TENM1: variants seen among roughly 807,000 people sequenced by gnomAD.
TENM1 encodes the protein teneurin-1.
A neutral mutation model predicts 174.8 loss-of-function variants in TENM1; 35 were observed. The observed-to-expected ratio is 0.20, with a 90% CI of 0.15 to 0.27. The LOEUF (loss-of-function observed/expected upper bound fraction) is 0.27, where lower values mean the gene tolerates loss of function less well. Among genes scored for constraint, TENM1 ranks in the 10% least tolerant of loss-of-function variants. The pLI is 1.00. For synonymous variants in TENM1, 781 were observed against 798.7 expected, an observed-to-expected ratio of 0.98 and a Z score of 0.37; for missense variants, 1,633 against 2,130.1, an observed-to-expected ratio of 0.77 and a Z score of 4.59.
At position 124,506,196 on chromosome X, in the gene TENM1, G is replaced by T. The variant is rs146247046; in HGVS notation, c.3302-2493C>A. The stretch of plus-strand genomic sequence containing the variant: ...GAGCTCTCCTAAGAATCCCTTCTCC[G>T]GAAGGTGATTGCGCAGTTTTGCAAA... On this transcript the variant is annotated intron_variant, in intron 18 of 31. Transcript: ENST00000422452. 4.5e-3 allele frequency among the ~76,000 whole-genome samples: 508 copies of T among 111,744 alleles called. 3 individuals carry two copies. Among genetic ancestry groups the T allele is most frequent in the Non-Finnish European group, 8.5e-3 (453 of 53,106 alleles).
chrX:125,001,597 A>T, the TENM1 span, among the ~76,000 whole-genome samples: 35 of 110,883 alleles, frequency 3.2e-4, no homozygotes, highest in Non-Finnish European at 6.4e-4. Context: ...AAACTTAGTT[A>T]TGGAGATAAA....
At chrX:125,091,759 G>A in the TENM1 span, among the ~76,000 whole-genome samples, 1 of 110,099 alleles carries the variant, frequency 9.1e-6, no homozygotes, top group South Asian at 4.0e-4. Flanking sequence ...AGGCCGAGGT[G>A]GGTGGATCAT....
chrX:125,054,136 A>AT, the TENM1 span, among the ~76,000 whole-genome samples: 2 of 110,641 alleles, frequency 1.8e-5, no homozygotes, highest in African/African-American at 6.6e-5. Context: ...ATCTATAGTG[A>AT]TTTTTTTTCT....
At chrX:124,793,503 A>T (rs1271712531) in intron 3 of TENM1, among the ~76,000 whole-genome samples, 1 of 111,622 alleles carries the variant, frequency 9.0e-6, no homozygotes, top group Non-Finnish European at 1.9e-5. Context: ...GACAAAAAAG[A>T]CATTTACAAT....
chrX:124,984,828 G>T, the TENM1 span, among the ~76,000 whole-genome samples: 1 of 111,998 alleles, frequency 8.9e-6, no homozygotes, highest in Non-Finnish European at 1.9e-5. Flanking sequence ...ATTAATTGTA[G>T]TATTCATGTC....
At chrX:124,455,553 T>C (rs912106120) in intron 22 of TENM1, among the ~76,000 whole-genome samples, 1 of 111,337 alleles carries the variant, frequency 9.0e-6, no homozygotes, top group Non-Finnish European at 1.9e-5. Flanking sequence ...CATAAAGGGA[T>C]AGACTGAAAG....
chrX:124,703,662 T>A (rs1365330413), intron 5 of TENM1, among the ~76,000 whole-genome samples: 1 of 111,977 alleles, frequency 8.9e-6, no homozygotes, highest in African/African-American at 3.2e-5. Flanking sequence ...ATATTATTCC[T>A]TGTTCTCAAT....
At chrX:124,770,750 C>T (rs1170281738) in intron 3 of TENM1, among the ~76,000 whole-genome samples, 3 of 109,894 alleles carry the variant, frequency 2.7e-5, no homozygotes, top group Non-Finnish European at 5.7e-5. Flanking sequence ...CTTGAGATCT[C>T]TCCATACCAG....
the TENM1 span, among the ~76,000 whole-genome samples, chrX:125,125,656 T>G: frequency 8.9e-6 from 1 of 111,989 alleles, no homozygotes; most frequent in African/African-American, 3.3e-5. Context: ...GCTTTAACCT[T>G]GCCCAGCTGT....
At chrX:124,495,579 G>A (rs2047180704) in intron 20 of TENM1, among the ~76,000 whole-genome samples, 1 of 110,276 alleles carries the variant, frequency 9.1e-6, no homozygotes, top group Non-Finnish European at 1.9e-5. Context: ...TAGACATGAA[G>A]TCCTTGCCCA....
chrX:124,920,676 T>C (rs945508837), intron 1 of TENM1, among the ~76,000 whole-genome samples: 9 of 111,391 alleles, frequency 8.1e-5, no homozygotes, highest in Admixed American at 7.6e-4. Context: ...CATTTTCTTT[T>C]TCCTTTTGCC....
At chrX:124,781,028 G>A (rs1290539927) in intron 3 of TENM1, among the ~76,000 whole-genome samples, 1 of 111,341 alleles carries the variant, frequency 9.0e-6, no homozygotes, top group African/African-American at 3.3e-5. Context: ...GCCCCAACCG[G>A]ACCATTCTAT....
At chrX:124,923,725 G>A (rs2058054397) in intron 1 of TENM1, among the ~76,000 whole-genome samples, 1 of 112,246 alleles carries the variant, frequency 8.9e-6, no homozygotes, top group African/African-American at 3.2e-5. Context: ...AAGTATCAAA[G>A]AATGTATGAC....
chrX:125,050,068 T>C, the TENM1 span, among the ~76,000 whole-genome samples: 1 of 109,867 alleles, frequency 9.1e-6, no homozygotes, highest in Non-Finnish European at 1.9e-5. Context: ...TTATTCATGT[T>C]TTCTTGTAGT....
At chrX:124,614,750 G>A (rs1364184497) in intron 11 of TENM1, among the ~76,000 whole-genome samples, 2 of 112,290 alleles carry the variant, frequency 1.8e-5, no homozygotes, top group Non-Finnish European at 3.8e-5. Flanking sequence ...GGGCGTGGTG[G>A]TGCATGTCTG....
intron 1 of TENM1, among the ~76,000 whole-genome samples, chrX:124,906,019 C>T (rs1487963086): frequency 8.9e-6 from 1 of 112,015 alleles, no homozygotes; most frequent in Non-Finnish European, 1.9e-5. Flanking sequence ...CCTCGACTTA[C>T]AATGGGGTAA....
chrX:125,195,151 G>A, the TENM1 span, among the ~76,000 whole-genome samples: 1 of 111,843 alleles, frequency 8.9e-6, no homozygotes, highest in African/African-American at 3.2e-5. Flanking sequence ...CCAAAAGTAT[G>A]TAAACTGAAG....
the TENM1 span, among the ~76,000 whole-genome samples, chrX:124,989,534 C>T: frequency 9.1e-6 from 1 of 110,475 alleles, no homozygotes; most frequent in African/African-American, 3.3e-5. Flanking sequence ...AATTTAGGTA[C>T]AAAAGCAAAC....
chrX:124,948,615 C>T (rs889810923), intron 1 of TENM1, among the ~76,000 whole-genome samples: 4 of 112,568 alleles, frequency 3.6e-5, no homozygotes, highest in Non-Finnish European at 7.5e-5. Context: ...TGCAGTGGCA[C>T]GATCTTGGCT....
Sources: gnomAD v4.1 joint callset for allele counts (sites outside exome capture counted in the v4.1 genomes callset) on GRCh38, gnomAD v4.1.1 for gene constraint, MANE v1.5 for transcripts, NCBI Gene and HGNC (gene_info 2026-07-23, HGNC 2026-07-21) for gene names.